IRAK1BP1: variants seen among roughly 807,000 people sequenced by gnomAD.
IRAK1BP1 encodes the protein interleukin 1 receptor associated kinase 1 binding protein 1.
IRAK1BP1 carries 24 observed loss-of-function variants against 28.0 expected under a neutral mutation model. The ratio of observed to expected loss-of-function variants is 0.86; its 90% confidence interval spans 0.62 to 1.20. The LOEUF is 1.20. IRAK1BP1 is among the 50% of genes most tolerant of loss of function. The pLI is 0.00. For synonymous variants in IRAK1BP1, 131 were observed against 116.3 expected, an observed-to-expected ratio of 1.13 and a Z score of -0.81; for missense variants, 336 against 316.7, an observed-to-expected ratio of 1.06 and a Z score of -0.46.
intron 4 of IRAK1BP1, among the ~76,000 whole-genome samples, chr6:78,928,446 TAAG>T (rs1355957935): frequency 6.6e-6 from 1 of 152,152 alleles, no homozygotes; most frequent in Non-Finnish European, 1.5e-5. Context: ...TTTCCAAATA[TAAG>T]ATGATATCGT....
the IRAK1BP1 span, among the ~76,000 whole-genome samples, chr6:78,972,472 T>A: frequency 2.0e-5 from 3 of 152,038 alleles, no homozygotes; most frequent in Non-Finnish European, 4.4e-5. Flanking sequence ...TCAGAGCACC[T>A]CTCCTCCTCC....
chr6:78,911,387 C>T (rs1263435189), intron 4 of IRAK1BP1, among the ~76,000 whole-genome samples: 1 of 152,160 alleles, frequency 6.6e-6, no homozygotes, highest in Non-Finnish European at 1.5e-5. Context: ...TTATATTCCC[C>T]AGTCTTGATC....
intron 4 of IRAK1BP1, among the ~76,000 whole-genome samples, chr6:78,911,704 C>T (rs529537416): frequency 2.4e-4 from 36 of 152,256 alleles, no homozygotes; most frequent in Admixed American, 7.2e-4. Flanking sequence ...TCACTTCATT[C>T]CCAGCAATTT....
chr6:78,972,470 C>T, the IRAK1BP1 span, among the ~76,000 whole-genome samples: 961 of 152,266 alleles, frequency 6.3e-3, 19 homozygotes, highest in African/African-American at 0.022. Flanking sequence ...AATCAGAGCA[C>T]CTCTCCTCCT....
Position 78,889,107 on chromosome 6 carries a change from ACT to A in IRAK1BP1, c.381+3667_381+3668del, listed in dbSNP as rs1316513843. Reference sequence around the variant, plus strand: ...ACTGCAGCCTGGGCAACAGAGTGAGACTCTGTCTCAAAAAAAAAAAAAAAAAA... The same window carrying A: ...ACTGCAGCCTGGGCAACAGAGTGAGACTGTCTCAAAAAAAAAAAAAAAAAA... On this transcript the variant is annotated intron_variant, in intron 2 of 3. Transcript: ENST00000369940. Among the ~76,000 whole-genome samples, 11 of 126,220 alleles carry A rather than the reference ACT, an allele frequency of 8.7e-5. No homozygotes were observed. The South Asian group carries it at 2.7e-3, about 31-fold the overall frequency. The allele number at this position is 126,220 out of a possible 152,430, so 82.8% of individuals were successfully genotyped here.
the IRAK1BP1 span, chr6:78,957,038 G>A: frequency 1.3e-5 from 2 of 151,964 alleles, no homozygotes; most frequent in Non-Finnish European, 2.9e-5. Context: ...GCTAAAAAAA[G>A]TATTTTTAAA....
chr6:78,970,965 C>G, the IRAK1BP1 span: 3 of 952,652 alleles, frequency 3.1e-6, no homozygotes, highest in South Asian at 4.7e-5. Flanking sequence ...GCTGAAATTG[C>G]AAAGAGAAAA....
rs539208298 is a variant in IRAK1BP1, at chr6:78,911,417, G to A, written c.*67+8307G>A. 8.5e-5 allele frequency among the ~76,000 whole-genome samples: 13 copies of A among 152,180 alleles called. No homozygotes were observed. In the South Asian group the frequency reaches 2.7e-3, roughly 32 times the overall value. ...TTGATCCTTCTCTCCTGCTCCAGGG[G>A]AATGAAACACAATCCCACATCTGGG... On this transcript the variant is annotated intron_variant and NMD_transcript_variant, in intron 4 of 4. Transcript: ENST00000606868.
In IRAK1BP1 at chr6:78,900,977, G is replaced by A. The variant is rs1202340304; in HGVS notation, c.*2643G>A. 6.6e-6 allele frequency: 1 copy of A among 152,034 alleles called. No individual in the cohort carries two copies. The highest frequency in any genetic ancestry group is 6.6e-5 in the Admixed American group (1 of 15,250). 9.4% of individuals were successfully genotyped at this position (152,034 alleles called of 1,614,324 possible). A position where few individuals can be genotyped will look rare whatever the true frequency, so the allele number is the denominator to read the frequency against. On this transcript the variant is annotated 3_prime_UTR_variant, in exon 4 of 4. Transcript: ENST00000369940. Reference sequence around the variant, plus strand: ...TTGTCAGAAAACCAATGTAACATATGTTGAATTTTTATTACCAAAAAGAAG... The same window carrying A: ...TTGTCAGAAAACCAATGTAACATATATTGAATTTTTATTACCAAAAAGAAG...
At chr6:78,880,447 A>G (rs1771185529) in intron 1 of IRAK1BP1, among the ~76,000 whole-genome samples, 1 of 152,230 alleles carries the variant, frequency 6.6e-6, no homozygotes, top group African/African-American at 2.4e-5. Flanking sequence ...CATGAAACAA[A>G]CAAAAAGATA....
At chr6:78,949,930 C>G (rs924081277), downstream of IRAK1BP1, among the ~76,000 whole-genome samples, 1 of 152,156 alleles carries the variant, frequency 6.6e-6, no homozygotes, top group Non-Finnish European at 1.5e-5. Flanking sequence ...CTCAAGTGAT[C>G]CACCTACCTT....
intron 4 of IRAK1BP1, chr6:78,941,059 A>G (rs1389719985): frequency 6.2e-7 from 1 of 1,613,930 alleles, no homozygotes; most frequent in East Asian, 2.2e-5. Flanking sequence ...CTTCCTTTAC[A>G]TTATTAGTTT....
rs545483971 is a variant in IRAK1BP1, at chr6:78,922,779, A to C, written c.*67+19669A>C. Among the ~76,000 whole-genome samples the C allele has an allele frequency of 1.5e-4, 23 of 152,318 alleles. No individual in the cohort carries two copies. In the South Asian group the frequency reaches 2.3e-3, roughly 15 times the overall value. ...GTGGGGGCCAATATTCAACATTCTT[A>C]AAGAAAAGAATTTTCAACCCAGAAT... On this transcript the variant is annotated intron_variant and NMD_transcript_variant, in intron 4 of 4. Coordinates refer to the IRAK1BP1 transcript ENST00000606868.
At chr6:78,884,986 C>T (rs1288254748) in intron 1 of IRAK1BP1, among the ~76,000 whole-genome samples, 1 of 152,000 alleles carries the variant, frequency 6.6e-6, no homozygotes, top group Non-Finnish European at 1.5e-5. Flanking sequence ...GTGACACCTA[C>T]AGGAGAGAAA....
At chr6:78,974,472 A>G in the IRAK1BP1 span, among the ~76,000 whole-genome samples, 6 of 151,676 alleles carry the variant, frequency 4.0e-5, no homozygotes, top group Non-Finnish European at 7.4e-5. Flanking sequence ...AAGAACTAGA[A>G]AAGCAAGAGC....
At chr6:78,947,951 T>TCC (rs11370597), downstream of IRAK1BP1, among the ~76,000 whole-genome samples, 1,115 of 150,840 alleles carry the variant, frequency 7.4e-3, 7 homozygotes, top group Middle Eastern at 0.031. Context: ...TATTTCATAC[T>TCC]CCCCCCCCTT....
At chr6:78,952,316 G>A in the IRAK1BP1 span, among the ~76,000 whole-genome samples, 1 of 151,612 alleles carries the variant, frequency 6.6e-6, no homozygotes, top group African/African-American at 2.4e-5. Context: ...CTACTCGTGA[G>A]GCCGAGGCAG....
chr6:78,966,098 G>A, the IRAK1BP1 span: 1 of 1,192,550 alleles, frequency 8.4e-7, no homozygotes, highest in Non-Finnish European at 1.3e-6. Context: ...TGAAATGCAT[G>A]GCTGCTGTCA....
chr6:78,900,260 G>A lies in IRAK1BP1; in HGVS notation c.*1926G>A, dbSNP rs1582026058. The stretch of plus-strand genomic sequence containing the variant: ...TATGTATTACTGCTATCTACAGTAA[G>A]AATTACATTTTATCTACAGGCAATC... On this transcript the variant is annotated 3_prime_UTR_variant, in exon 4 of 4. Transcript: ENST00000369940. 1 of 152,268 alleles carries A rather than the reference G, an allele frequency of 6.6e-6. No individual in the cohort carries two copies. The highest frequency in any genetic ancestry group is 1.9e-4 in the East Asian group (1 of 5,180). 9.4% of individuals were successfully genotyped at this position (152,268 alleles called of 1,614,324 possible). A position where few individuals can be genotyped will look rare whatever the true frequency, so the allele number is the denominator to read the frequency against.
Sources: gnomAD v4.1 joint callset for allele counts (sites outside exome capture counted in the v4.1 genomes callset) on GRCh38, gnomAD v4.1.1 for gene constraint, MANE v1.5 for transcripts, NCBI Gene and HGNC (gene_info 2026-07-23, HGNC 2026-07-21) for gene names.